The following CFAP251 variants were observed in gnomAD, a reference collection of about 807,000 sequenced individuals.
CFAP251 encodes the protein cilia- and flagella-associated protein 251.
Under a neutral mutation model 126.7 loss-of-function variants are expected in CFAP251, and 93 were observed. The ratio of observed to expected loss-of-function variants is 0.73; its 90% confidence interval spans 0.62 to 0.87. The LOEUF is 0.87. Among genes scored for constraint, CFAP251 ranks in the 40% least tolerant of loss-of-function variants. The probability of loss-of-function intolerance (pLI) is 0.00; values close to 1 mark genes in which losing one functional copy is unlikely to be tolerated. For synonymous variants in CFAP251, 503 were observed against 506.9 expected (o/e 0.99, Z 0.10); for missense variants, 1,287 against 1,389.2 (o/e 0.93, Z 1.17).
chr12:121,938,800 T>G (rs911155670), intron 5 of CFAP251, among the ~76,000 whole-genome samples: 6 of 150,336 alleles, frequency 4.0e-5, no homozygotes, highest in African/African-American at 1.2e-4. Flanking sequence ...CTGGCCAACA[T>G]GGTGAAACCC....
In CFAP251 at chr12:121,954,202, G is replaced by T. The variant is rs1345925672; in HGVS notation, c.1403G>T (p.Gly468Val). Residue 468 changes from glycine (G) to valine (V), a missense_variant, in exon 10 of 22, where the codon GGG (glycine) becomes GTG (valine). Physicochemically the swap from Gly to Val is moderately radical, Grantham distance 109. Coordinates refer to ENST00000288912, the MANE Select transcript of CFAP251 (RefSeq NM_144668.6). The part of the protein sequence containing the change: ...LTQILSATME[G>V]KLVVWDIHRP... ...CAAATACTCTCAGCCACAATGGAAG[G>T]GAAGCTGGTTGTCTGGGACATACAC... is the stretch of plus-strand genomic sequence containing the variant. The T allele has an allele frequency of 6.2e-7, 1 of 1,614,018 alleles. No individual in the cohort carries two copies. The highest frequency in any genetic ancestry group is 1.3e-5 in the African/African-American group (1 of 74,898).
intron 19 of CFAP251, among the ~76,000 whole-genome samples, chr12:121,976,004 T>C (rs1036882515): frequency 1.3e-5 from 2 of 151,456 alleles, no homozygotes; most frequent in Non-Finnish European, 2.9e-5. Flanking sequence ...CCTCGTAGGA[T>C]TTTTTTCTTT....
chr12:121,988,192 G>A (rs566326605), intron 19 of CFAP251, among the ~76,000 whole-genome samples: 1 of 151,304 alleles, frequency 6.6e-6, no homozygotes, highest in Non-Finnish European at 1.5e-5. Flanking sequence ...CATTGCCATG[G>A]CTTCTCCATA....
intron 21 of CFAP251, among the ~76,000 whole-genome samples, chr12:122,002,653 T>C (rs1261627359): frequency 1.3e-5 from 2 of 152,174 alleles, no homozygotes; most frequent in Non-Finnish European, 1.5e-5. Flanking sequence ...TTAAAGATCA[T>C]CCTCCTGTCC....
intron 10 of CFAP251, among the ~76,000 whole-genome samples, chr12:121,956,388 A>G (rs1286829285): frequency 6.6e-6 from 1 of 152,192 alleles, no homozygotes; most frequent in Non-Finnish European, 1.5e-5. Flanking sequence ...CTTTAGATAT[A>G]CCTGGGTTCC....
chr12:121,995,059 T>C (rs1882993687), intron 19 of CFAP251, among the ~76,000 whole-genome samples: 1 of 152,264 alleles, frequency 6.6e-6, no homozygotes. Flanking sequence ...GTACATAGTC[T>C]CAATAAGCTT....
chr12:121,930,492 C>G (rs1297713436), intron 3 of CFAP251, among the ~76,000 whole-genome samples: 1 of 149,126 alleles, frequency 6.7e-6, no homozygotes, highest in Non-Finnish European at 1.5e-5. Flanking sequence ...TTCCCTCCTC[C>G]AAAAAAAACA....
At position 121,921,504 on chromosome 12, in the gene CFAP251, A is replaced by AAAGAGG. The variant is rs779416485; in HGVS notation, c.200_201insAGAGGA (p.Glu68_Asp69insGluGlu). On this transcript the variant is annotated inframe_insertion, in exon 2 of 22. Transcript: ENST00000288912. ...CGAGGAGGAAGGGGAGGAGGAGGGG[A>AAAGAGG]AGGAGGACAAAAAGATTGTCATGGA... is the stretch of plus-strand genomic sequence containing the variant. 8 of 1,612,096 alleles carry AAAGAGG rather than the reference A, an allele frequency of 5.0e-6. No individual in the cohort carries two copies. The highest frequency in any genetic ancestry group is 2.2e-5 in the South Asian group (2 of 90,968).
chr12:121,994,905 C>T (rs960742988), intron 19 of CFAP251, among the ~76,000 whole-genome samples: 1 of 146,910 alleles, frequency 6.8e-6, no homozygotes, highest in Non-Finnish European at 1.5e-5. Flanking sequence ...ACTATTGTCC[C>T]ATGACCCTGC....
At chr12:121,979,330 C>T (rs1359352182) in intron 19 of CFAP251, among the ~76,000 whole-genome samples, 1 of 152,156 alleles carries the variant, frequency 6.6e-6, no homozygotes. Flanking sequence ...CAGAGAGTGG[C>T]ATTTTCCAAA....
chr12:121,956,325 C>T (rs749284006), intron 10 of CFAP251, among the ~76,000 whole-genome samples: 2 of 152,150 alleles, frequency 1.3e-5, no homozygotes, highest in African/African-American at 4.8e-5. Context: ...ACCTCCATTG[C>T]GTATGGCTGA....
rs529422470 is a variant in CFAP251, at chr12:121,994,976, AAT to A, written c.3007-4738_3007-4737del. Among the ~76,000 whole-genome samples the A allele has an allele frequency of 1.1e-3, 174 of 152,148 alleles. 3 individuals carry two copies. The East Asian group carries it at 0.014, about 12-fold the overall frequency. On this transcript the variant is annotated intron_variant, in intron 19 of 21. Transcript: ENST00000288912. ...CAATAAAAAAATAAATTAAAAAAAA[AAT>A]AATAATCACAAGAATAATTACTGTC... is the stretch of plus-strand genomic sequence containing the variant.
intron 9 of CFAP251, chr12:121,953,131 C>T (rs1682182118): frequency 6.6e-6 from 1 of 152,200 alleles, no homozygotes; most frequent in Non-Finnish European, 1.5e-5. Context: ...ATCTAACCTA[C>T]ATATTTTCTC....
chr12:121,992,729 G>A (rs1031376490), intron 19 of CFAP251, among the ~76,000 whole-genome samples: 1 of 151,612 alleles, frequency 6.6e-6, no homozygotes, highest in Non-Finnish European at 1.5e-5. Context: ...AGGCACATGC[G>A]CCACCACGCC....
In CFAP251 at chr12:121,951,460, T is replaced by C; in HGVS notation, c.1270-20T>C. ...GAAACTGGGTCTTTTTGAGTAGTGA[T>C]TATTTTTTCCTCTTATCAGTATGAA... On this transcript the variant is annotated intron_variant, in intron 8 of 21. Transcript: ENST00000288912. The C allele has an allele frequency of 6.6e-7, 1 of 1,517,446 alleles. No homozygotes were observed. The highest frequency in any genetic ancestry group is 9.0e-7 in the Non-Finnish European group (1 of 1,109,710). The allele number at this position is 1,517,446 out of a possible 1,614,324, so 94.0% of individuals were successfully genotyped here.
At chr12:121,966,431 T>TTA (rs1446814520) in intron 15 of CFAP251, among the ~76,000 whole-genome samples, 2 of 102,102 alleles carry the variant, frequency 2.0e-5, no homozygotes, top group Non-Finnish European at 4.3e-5. Flanking sequence ...TGGCTAATTT[T>TTA]TTTTTTTTTT....
chr12:121,988,444 C>G (rs78931805), intron 19 of CFAP251, among the ~76,000 whole-genome samples: 2,317 of 152,294 alleles, frequency 0.015, 44 homozygotes, highest in Non-Finnish European at 0.022. Context: ...ATTGGCCTAT[C>G]TTGGCATTTC....
intron 12 of CFAP251, 109 bp downstream of exon 12, chr12:121,958,631 A>T: frequency 1.3e-6 from 2 of 1,513,408 alleles, no homozygotes; most frequent in African/African-American, 1.4e-5. Context: ...TCCAGCCCCC[A>T]GCAGGCTGGA....
At position 121,975,028 on chromosome 12, in the gene CFAP251, A is replaced by G. The variant is rs1026343053; in HGVS notation, c.2772-216A>G. ...CATCAAGAGAATATCACCATAATTAAGGCAGATGCCCTCTACCTCTGAGTT... is the reference window on the plus strand; with the variant it reads ...CATCAAGAGAATATCACCATAATTAGGGCAGATGCCCTCTACCTCTGAGTT... On this transcript the variant is annotated intron_variant, in intron 17 of 21. Transcript: ENST00000288912. Among the ~76,000 whole-genome samples, 11 of 152,344 alleles carry G rather than the reference A, an allele frequency of 7.2e-5. No individual in the cohort carries two copies. The South Asian group carries it at 1.4e-3, about 20-fold the overall frequency.
Sources: allele counts gnomAD v4.1 joint callset (sites outside exome capture counted in the v4.1 genomes callset), GRCh38; gene constraint gnomAD v4.1.1; transcripts MANE v1.5; gene names NCBI Gene and HGNC (gene_info 2026-07-23, HGNC 2026-07-21).